Variants in CSK observed in about 807,000 individuals in gnomAD.
CSK encodes the protein C-terminal Src kinase.
Under a neutral mutation model 62.3 loss-of-function variants are expected in CSK, and 7 were observed. The ratio of observed to expected loss-of-function variants is 0.11; its 90% CI spans 0.06 to 0.21. CSK has a LOEUF of 0.21. Among genes scored for constraint, CSK ranks in the 10% least tolerant of loss-of-function variants. The pLI is 1.00. For missense variants in CSK, 294 were observed against 613.5 expected (o/e 0.48, Z 5.50); for synonymous variants, 237 against 246.0 (o/e 0.96, Z 0.34).
Position 74,799,253 on chromosome 15 carries a change from C to T in CSK, c.243-19C>T. ...AGTACCTTTGGGCCACCATGACCTC[C>T]AGCCCTGCTGCTCCCCAGTTGGTTC... is the stretch of plus-strand genomic sequence containing the variant. On this transcript the variant is annotated intron_variant, in intron 4 of 12. Coordinates refer to ENST00000220003, the MANE Select transcript of CSK (RefSeq NM_004383.3). 1.3e-6 allele frequency: 2 copies of T among 1,598,082 alleles called. No homozygotes were observed. The highest frequency in any genetic ancestry group is 1.7e-6 in the Non-Finnish European group (2 of 1,172,118).
At chr15:74,787,712 A>G (rs1054420410) in intron 1 of CSK, among the ~76,000 whole-genome samples, 2 of 152,056 alleles carry the variant, frequency 1.3e-5, no homozygotes, top group Non-Finnish European at 2.9e-5. Flanking sequence ...CGAAGGAACA[A>G]GTAGAAGAGA....
chr15:74,802,157 G>A lies in CSK; in HGVS notation c.1170+74G>A, dbSNP rs1049707508. 4.0e-6 allele frequency: 6 copies of A among 1,501,934 alleles called. No homozygotes were observed. The African/African-American group carries it at 6.9e-5, about 17-fold the overall frequency. The allele number at this position is 1,501,934 out of a possible 1,614,324, so 93.0% of individuals were successfully genotyped here. A position where few individuals can be genotyped will look rare whatever the true frequency, so the allele number is the denominator to read the frequency against. On this transcript the variant is annotated intron_variant, in intron 12 of 12. Coordinates refer to ENST00000220003, the MANE Select transcript of CSK (RefSeq NM_004383.3). Reference sequence around the variant, plus strand: ...TTGGCAGGGGCGTGAGCCTCCTTGGGCCCTGCCTCCCCAATCAAGGCCTAG... The same window carrying A: ...TTGGCAGGGGCGTGAGCCTCCTTGGACCCTGCCTCCCCAATCAAGGCCTAG...
rs1302172678 is a variant in CSK, at chr15:74,802,333, C to T, written c.1173C>T (p.Pro391=). The change falls in exon 13 of 13, where the codon CCC becomes CCT. Residue 391 remains proline, a splice_region_variant and synonymous_variant. Coordinates refer to ENST00000220003, the MANE Select transcript of CSK (RefSeq NM_004383.3). ...SFGRVPYPRI[P]LKDVVPRVEK... is the part of the protein sequence containing the mutation. ...CTCCTGCCTCCCCCTGGCCACAGCC[C>T]CTGAAGGACGTCGTCCCTCGGGTGG... The T allele has an allele frequency of 1.3e-6, 2 of 1,592,136 alleles. No individual in the cohort carries two copies. The highest frequency in any genetic ancestry group is 1.7e-6 in the Non-Finnish European group (2 of 1,172,424).
chr15:74,796,454 T>C (rs2063706826), intron 1 of CSK, among the ~76,000 whole-genome samples: 1 of 151,558 alleles, frequency 6.6e-6, no homozygotes, highest in Admixed American at 6.6e-5. Flanking sequence ...TCCAGCCACG[T>C]GTGGTGGCGC....
intron 5 of CSK, 81 bp downstream of exon 5, chr15:74,799,572 C>A: frequency 7.1e-7 from 1 of 1,411,184 alleles, no homozygotes; most frequent in Non-Finnish European, 9.7e-7. Flanking sequence ...AGCTCCAGCC[C>A]CACTGCTTCT....
chr15:74,798,946 C>T lies in CSK; in HGVS notation c.242+8C>T, dbSNP rs1028108201. ...CAAACTCAGCCTCATGCCGTGAGTA[C>T]CACGAGGAGGGGTTGGGGAGGGAAG... On this transcript the variant is annotated splice_region_variant and intron_variant, in intron 4 of 12. Coordinates refer to ENST00000220003, the MANE Select transcript of CSK (RefSeq NM_004383.3). This position sits in a 1 kb window ranked among gnomAD's most constrained non-coding sequence, Gnocchi z 6.6. 15 of 1,510,502 alleles carry T rather than the reference C, an allele frequency of 9.9e-6. No homozygotes were observed. The highest frequency in any genetic ancestry group is 1.3e-5 in the Non-Finnish European group (15 of 1,134,518). The allele number at this position is 1,510,502 out of a possible 1,614,324, so 93.6% of individuals were successfully genotyped here.
At chr15:74,801,964 G>A (rs565277194) in intron 11 of CSK, 33 bp from the exon 12 acceptor site, 27 of 1,612,322 alleles carry the variant, frequency 1.7e-5, no homozygotes, top group Non-Finnish European at 2.0e-5. Context: ...GGAGTCCCAG[G>A]ATCTGACGCT....
chr15:74,802,346 G>A lies in CSK; in HGVS notation c.1186G>A (p.Val396Ile), dbSNP rs775372400. Reference protein sequence around the residue: ...PYPRIPLKDVVPRVEKGYKMD... With the variant: ...PYPRIPLKDVIPRVEKGYKMD... Reference sequence around the variant, plus strand: ...CTGGCCACAGCCCCTGAAGGACGTCGTCCCTCGGGTGGAGAAGGGCTACAA... The same window carrying A: ...CTGGCCACAGCCCCTGAAGGACGTCATCCCTCGGGTGGAGAAGGGCTACAA... Residue 396 changes from valine to isoleucine, a missense_variant, in exon 13 of 13, where the codon GTC (valine) becomes ATC (isoleucine). Val to Ile is a conservative substitution (Grantham distance 29). This residue lies in a region of CSK where 66 missense variants were observed against 99.3 expected (regional missense o/e 0.66). Coordinates refer to ENST00000220003, the MANE Select transcript of CSK (RefSeq NM_004383.3). The A allele has an allele frequency of 1.2e-4, 184 of 1,598,156 alleles. No individual in the cohort carries two copies. In the East Asian group the frequency reaches 2.3e-3, roughly 20 times the overall value.
At chr15:74,799,555 G>A in intron 5 of CSK, 64 bp downstream of exon 5, 3 of 1,498,318 alleles carry the variant, frequency 2.0e-6, no homozygotes, top group Non-Finnish European at 2.7e-6. Context: ...CTGGGGCCCT[G>A]GCTTCTAGCT....
At position 74,801,767 on chromosome 15, in the gene CSK, G is replaced by C. The variant is rs928453152; in HGVS notation, c.960G>C (p.Val320=). 6.2e-7 allele frequency: 1 copy of C among 1,614,096 alleles called. No homozygotes were observed. Among genetic ancestry groups the C allele is most frequent in the Admixed American group, 1.7e-5 (1 of 60,024 alleles). ...FVHRDLAARN[V]LVSEDNVAKV... ...ATCGAGACCTGGCTGCCCGCAATGT[G>C]CTGGTGTCTGAGGACAACGTGGCCA... Residue 320 remains valine, a synonymous_variant, in exon 11 of 13, where the codon GTG becomes GTC. Transcript: ENST00000220003.
In CSK at chr15:74,797,082, C is replaced by T. The variant is rs2063717871; in HGVS notation, c.-65-1151C>T. ...TCAGCCTCCTGAGTAGCTGGGAGTA[C>T]AAGCACGCAGTACCACCCCCGGCTA... On this transcript the variant is annotated intron_variant, in intron 1 of 12. Coordinates refer to ENST00000220003, the MANE Select transcript of CSK (RefSeq NM_004383.3). Among the ~76,000 whole-genome samples, 5 of 152,250 alleles carry T rather than the reference C, an allele frequency of 3.3e-5. No homozygotes were observed. The South Asian group carries it at 8.3e-4, about 25-fold the overall frequency.
rs943565575 is a variant in CSK at position 74,797,321 on chromosome 15, C to T, written c.-65-912C>T. Among the ~76,000 whole-genome samples, 14 of 152,220 alleles carry T rather than the reference C, an allele frequency of 9.2e-5. 1 individual carries two copies. The highest frequency in any genetic ancestry group is 2.1e-4 in the South Asian group (1 of 4,818). On this transcript the variant is annotated intron_variant, in intron 1 of 12. Transcript: ENST00000220003. ...CTGTAATCCCAGCATTTTGGGAGGCCGAGGTGGGTGGATCACCTGAGGTCA... is the reference window on the plus strand; with the variant it reads ...CTGTAATCCCAGCATTTTGGGAGGCTGAGGTGGGTGGATCACCTGAGGTCA...
chr15:74,802,577 GC>G lies in CSK; in HGVS notation c.*68del. On this transcript the variant is annotated 3_prime_UTR_variant, in exon 13 of 13. Coordinates refer to ENST00000220003, the MANE Select transcript of CSK (RefSeq NM_004383.3). ...GAACCTGGAAGATCATGGACCTGGTGCCCCTGCTCACTGGGCCCGAGCCTGA... is the reference window on the plus strand; with the variant it reads ...GAACCTGGAAGATCATGGACCTGGTGCCCTGCTCACTGGGCCCGAGCCTGA... 6.3e-7 allele frequency: 1 copy of G among 1,576,958 alleles called. No homozygotes were observed.
intron 1 of CSK, among the ~76,000 whole-genome samples, chr15:74,783,180 C>T (rs1041964880): frequency 6.6e-6 from 1 of 152,228 alleles, no homozygotes; most frequent in African/African-American, 2.4e-5. Flanking sequence ...AGGGCCCAGC[C>T]ACCTCGGGTG....
chr15:74,799,507 C>T lies in CSK; in HGVS notation c.462+16C>T, dbSNP rs1371027301. ...GCTGGTGGAGGTGAGCTGGGGGGTA[C>T]AGAGCCTTGCTCCCACCCTCACACA... On this transcript the variant is annotated intron_variant, in intron 5 of 12. Coordinates refer to ENST00000220003, the MANE Select transcript of CSK (RefSeq NM_004383.3). 1.9e-6 allele frequency: 3 copies of T among 1,607,710 alleles called. No homozygotes were observed. The highest frequency in any genetic ancestry group is 2.5e-6 in the Non-Finnish European group (3 of 1,177,250).
Position 74,798,477 on chromosome 15 carries a change from C to A in CSK, c.16-138C>A. On this transcript the variant is annotated intron_variant, in intron 2 of 12. Coordinates refer to ENST00000220003, the MANE Select transcript of CSK (RefSeq NM_004383.3). The surrounding 1 kb of genome is among the most constrained non-coding windows in gnomAD (Gnocchi z 6.6). ...GTGGGGGAGTCTCAACAGGAAGGGA[C>A]CCAGGGCTCGTTCTCCGGGCAGAGC... The A allele has an allele frequency of 1.6e-6, 2 of 1,221,498 alleles. No individual in the cohort carries two copies. Among genetic ancestry groups the A allele is most frequent in the Non-Finnish European group, 2.4e-6 (2 of 847,372 alleles). 75.7% of individuals were successfully genotyped at this position (1,221,498 alleles called of 1,614,324 possible). A position where few individuals can be genotyped will look rare whatever the true frequency, so the allele number is the denominator to read the frequency against.
chr15:74,794,025 G>A (rs2063665242), intron 1 of CSK, among the ~76,000 whole-genome samples: 2 of 152,152 alleles, frequency 1.3e-5, no homozygotes, highest in South Asian at 4.1e-4. Flanking sequence ...AACCAGTTGA[G>A]CCTCAGTTTC....
Position 74,798,462 on chromosome 15 carries a change from C to A in CSK, c.15+150C>A, listed in dbSNP as rs779378936. 1 of 1,264,126 alleles carries A rather than the reference C, an allele frequency of 7.9e-7. No individual in the cohort carries two copies. Among genetic ancestry groups the A allele is most frequent in the South Asian group, 1.3e-5 (1 of 78,230 alleles). The allele number at this position is 1,264,126 out of a possible 1,614,324, so 78.3% of individuals were successfully genotyped here. A position where few individuals can be genotyped will look rare whatever the true frequency, so the allele number is the denominator to read the frequency against. On this transcript the variant is annotated intron_variant, in intron 2 of 12. Transcript: ENST00000220003. The surrounding 1 kb of genome is among the most constrained non-coding windows in gnomAD (Gnocchi z 6.6). ...TACAGGCCTGGGGAAGTGGGGGAGT[C>A]TCAACAGGAAGGGACCCAGGGCTCG...
At chr15:74,786,011 T>TTTC in intron 1 of CSK, among the ~76,000 whole-genome samples, 1 of 34,964 alleles carries the variant, frequency 2.9e-5, no homozygotes, top group South Asian at 6.6e-4. Flanking sequence ...TCTTTTTTTT[T>TTTC]TTTGTGTGTG....
Sources: allele counts gnomAD v4.1 joint callset (sites outside exome capture counted in the v4.1 genomes callset), GRCh38; gene constraint gnomAD v4.1.1; regional missense constraint gnomAD v4.1.1; non-coding constraint Gnocchi (gnomAD v3.1); transcripts MANE v1.5; gene names NCBI Gene and HGNC (gene_info 2026-07-23, HGNC 2026-07-21).